The following RASGRP3 variants were observed in gnomAD, a reference collection of about 807,000 sequenced individuals.
The protein encoded by RASGRP3 is RAS guanyl releasing protein 3, also known as ras guanyl-releasing protein 3.
A neutral mutation model predicts 82.7 loss-of-function variants in RASGRP3; 54 were observed. The observed-to-expected ratio is 0.65, with a 90% CI of 0.52 to 0.82. The LOEUF (loss-of-function observed/expected upper bound fraction) is 0.82, where lower values mean the gene tolerates loss of function less well. Ranked by LOEUF, RASGRP3 falls within the 40% of genes least tolerant of loss-of-function variation. The probability of loss-of-function intolerance (pLI) is 0.00; values close to 1 mark genes in which losing one functional copy is unlikely to be tolerated. For missense variants in RASGRP3, 861 were observed against 828.9 expected, an observed-to-expected ratio of 1.04 and a Z score of -0.48; for synonymous variants, 309 against 300.5, an observed-to-expected ratio of 1.03 and a Z score of -0.29.
intron 13 of RASGRP3, among the ~76,000 whole-genome samples, chr2:33,545,931 A>G (rs1182392821): frequency 6.6e-6 from 1 of 151,726 alleles, no homozygotes; most frequent in South Asian, 2.1e-4. Flanking sequence ...GAGCCTCCTG[A>G]GTAGCTGGTT....
At chr2:33,469,803 C>A (rs564108205) in intron 2 of RASGRP3, among the ~76,000 whole-genome samples, 1 of 152,194 alleles carries the variant, frequency 6.6e-6, no homozygotes, top group African/African-American at 2.4e-5. Flanking sequence ...CATGCTTTTA[C>A]TTTGTGTATG....
At chr2:33,510,216 A>G (rs182999059) in intron 1 of RASGRP3, among the ~76,000 whole-genome samples, 5 of 152,356 alleles carry the variant, frequency 3.3e-5, no homozygotes, top group South Asian at 2.1e-4. Context: ...AAATTCTTTT[A>G]TCTTGGAATA....
chr2:33,473,298 G>A (rs1667170138), upstream of RASGRP3, among the ~76,000 whole-genome samples: 1 of 152,056 alleles, frequency 6.6e-6, no homozygotes, highest in African/African-American at 2.4e-5. Flanking sequence ...CAGGAGAATG[G>A]CTTGAACCTG....
At chr2:33,504,048 A>C (rs961455064) in intron 1 of RASGRP3, among the ~76,000 whole-genome samples, 2 of 152,186 alleles carry the variant, frequency 1.3e-5, no homozygotes, top group Non-Finnish European at 2.9e-5. Context: ...ATCAGCTTTT[A>C]ATCTAAATAT....
intron 13 of RASGRP3, among the ~76,000 whole-genome samples, chr2:33,544,578 C>T (rs547888452): frequency 1.2e-3 from 176 of 151,164 alleles, no homozygotes; most frequent in South Asian, 1.5e-3. Context: ...GTTAATAGTA[C>T]GAGATTAGTT....
At position 33,463,630 on chromosome 2, in the gene RASGRP3, G is replaced by A. The variant is rs563283244; in HGVS notation, c.-261+15687G>A. ...TTTTTTTTTTTTGAGACAGAGTCTC[G>A]CACTATCGCCCGGGCTAGAGTACAA... On this transcript the variant is annotated intron_variant, in intron 2 of 18. Coordinates refer to the RASGRP3 transcript ENST00000402538. Among the ~76,000 whole-genome samples, 13 of 122,672 alleles carry A rather than the reference G, an allele frequency of 1.1e-4. No individual in the cohort carries two copies. The South Asian group carries it at 1.1e-3, about 10-fold the overall frequency. 80.5% of individuals were successfully genotyped at this position (122,672 alleles called of 152,430 possible).
chr2:33,473,976 C>T (rs905095156), upstream of RASGRP3, among the ~76,000 whole-genome samples: 3 of 106,322 alleles, frequency 2.8e-5, no homozygotes, highest in Admixed American at 9.2e-5. Flanking sequence ...AGATCCCTCG[C>T]GTGCACAGTT....
chr2:33,459,196 G>A (rs556749211), intron 2 of RASGRP3, among the ~76,000 whole-genome samples: 35 of 152,056 alleles, frequency 2.3e-4, no homozygotes, highest in Admixed American at 3.9e-4. Context: ...GTGCAGTGGC[G>A]CAGTCTTGGC....
At chr2:33,538,509 A>AATAAATAC (rs142067230) in intron 11 of RASGRP3, among the ~76,000 whole-genome samples, 8,806 of 151,760 alleles carry the variant, frequency 0.058, 278 homozygotes, top group South Asian at 0.088. Context: ...TCTCAAAATA[A>AATAAATAC]ATAAATAAAT....
intron 1 of RASGRP3, among the ~76,000 whole-genome samples, chr2:33,441,533 G>A (rs759377824): frequency 1.3e-5 from 2 of 152,182 alleles, no homozygotes; most frequent in Non-Finnish European, 2.9e-5. Flanking sequence ...GGCTAGTTGT[G>A]CTAGGAAATT....
intron 9 of RASGRP3, among the ~76,000 whole-genome samples, chr2:33,525,804 G>C (rs567534502): frequency 6.6e-6 from 1 of 151,592 alleles, no homozygotes; most frequent in East Asian, 1.9e-4. Context: ...TTGAGCCCAG[G>C]AGTTTGAGGC....
At chr2:33,462,414 CTG>C (rs1666425860) in intron 2 of RASGRP3, among the ~76,000 whole-genome samples, 1 of 145,750 alleles carries the variant, frequency 6.9e-6, no homozygotes, top group Non-Finnish European at 1.5e-5. Context: ...GAGTCTCGCT[CTG>C]TTGGCCAGGC....
chr2:33,529,523 A>G (rs1672909921), intron 10 of RASGRP3, among the ~76,000 whole-genome samples: 1 of 146,670 alleles, frequency 6.8e-6, no homozygotes, highest in East Asian at 2.0e-4. Context: ...AATGAAAAAA[A>G]TCTGAACTCT....
rs753781679 is a variant in RASGRP3, at chr2:33,527,431, A to G, written c.1083+19A>G. ...GCTCACGGTGAGTTCCAAGGAGCCA[A>G]GTTTGGGCTCAATAATTCTTCTGCA... On this transcript the variant is annotated intron_variant, in intron 10 of 17. Transcript: ENST00000403687. 6 of 1,597,166 alleles carry G rather than the reference A, an allele frequency of 3.8e-6. No homozygotes were observed. The highest frequency in any genetic ancestry group is 5.1e-6 in the Non-Finnish European group (6 of 1,167,284).
At chr2:33,480,920 AT>A (rs1345629863) in intron 1 of RASGRP3, among the ~76,000 whole-genome samples, 17 of 152,062 alleles carry the variant, frequency 1.1e-4, no homozygotes, top group Non-Finnish European at 1.9e-4. Flanking sequence ...CATCTTTGGT[AT>A]TGAGAAGTCG....
chr2:33,549,402 C>T (rs543224283), intron 13 of RASGRP3, among the ~76,000 whole-genome samples: 1 of 152,148 alleles, frequency 6.6e-6, no homozygotes, highest in Non-Finnish European at 1.5e-5. Flanking sequence ...CACACATACA[C>T]AATTTTCTGC....
At chr2:33,553,983 C>T (rs978034582) in intron 14 of RASGRP3, among the ~76,000 whole-genome samples, 16 of 152,102 alleles carry the variant, frequency 1.1e-4, no homozygotes, top group Admixed American at 8.5e-4. Context: ...ATGATCCGCC[C>T]GCCTCGGCCT....
At chr2:33,446,711 A>T (rs547061686) in intron 1 of RASGRP3, among the ~76,000 whole-genome samples, 12 of 152,258 alleles carry the variant, frequency 7.9e-5, no homozygotes, top group African/African-American at 2.9e-4. Context: ...GGGAAAAGGA[A>T]GGGAGGGAAT....
intron 1 of RASGRP3, among the ~76,000 whole-genome samples, chr2:33,439,055 T>C (rs1362198379): frequency 1.3e-5 from 2 of 152,204 alleles, no homozygotes; most frequent in African/African-American, 4.8e-5. Context: ...ACGATGATTC[T>C]TGTGTATTTA....
Sources: gnomAD v4.1 joint callset for allele counts (sites outside exome capture counted in the v4.1 genomes callset) on GRCh38, gnomAD v4.1.1 for gene constraint, MANE v1.5 for transcripts, NCBI Gene and HGNC (gene_info 2026-07-23, HGNC 2026-07-21) for gene names.